Variants in PDLIM7 observed in about 807,000 individuals in gnomAD.
The protein encoded by PDLIM7 is PDZ and LIM domain protein 7.
A neutral mutation model predicts 53.9 loss-of-function variants in PDLIM7; 37 were observed. That is an observed-to-expected ratio of 0.69 (90% CI 0.53 to 0.90). The LOEUF is 0.90. Ranked by LOEUF, PDLIM7 falls within the 40% of genes least tolerant of loss-of-function variation. The probability of loss-of-function intolerance (pLI) is 0.00; values close to 1 mark genes in which losing one functional copy is unlikely to be tolerated. For missense variants in PDLIM7, 617 were observed against 638.5 expected, an observed-to-expected ratio of 0.97 and a Z score of 0.36; for synonymous variants, 300 against 261.3, an observed-to-expected ratio of 1.15 and a Z score of -1.43.
At chr5:177,490,727 AAG>A in intron 7 of PDLIM7, 141 bp downstream of exon 7, 1 of 655,854 alleles carries the variant, frequency 1.5e-6, no homozygotes, top group Non-Finnish European at 2.7e-6. Flanking sequence ...GGAAGGAAGG[AAG>A]GAAGGAAGGA....
rs148818062 is a variant in PDLIM7 at position 177,491,137 on chromosome 5, G to A, written c.408C>T (p.Leu136=). The A allele has an allele frequency of 2.1e-5, 33 of 1,608,306 alleles. No homozygotes were observed. In the African/African-American group the frequency reaches 3.1e-4, roughly 15 times the overall value. ...DSAPQQNGQP[L]RPLVPDASKQ... is the part of the protein sequence containing the mutation. ...TGCTGGCATCTGGGACCAGCGGTCG[G>A]AGCGGCTGTCTGTGGGGAGGGTGTG... Residue 136 remains leucine, a synonymous_variant, in exon 6 of 13, where the codon CTC becomes CTT. Coordinates refer to ENST00000355841, the MANE Select transcript of PDLIM7 (RefSeq NM_005451.5).
chr5:177,492,541 C>T lies in PDLIM7; in HGVS notation c.233G>A (p.Ser78Asn), dbSNP rs1758854020. The change falls in exon 3 of 13, where the codon AGC (serine) becomes AAC (asparagine). Residue 78 changes from serine to asparagine, a missense_variant. Ser to Asn is a conservative substitution (Grantham distance 46). Coordinates refer to ENST00000355841, the MANE Select transcript of PDLIM7 (RefSeq NM_005451.5). ...NKIRACGERL[S>N]LGLSRAQPVQ... The stretch of plus-strand genomic sequence containing the variant: ...ACCCGCATACCTGCTGAGGCCCAGG[C>T]TGAGGCGCTCCCCGCAGGCCCGGAT... 2 of 1,613,648 alleles carry T rather than the reference C, an allele frequency of 1.2e-6. No homozygotes were observed. Among genetic ancestry groups the T allele is most frequent in the Admixed American group, 1.7e-5 (1 of 60,010 alleles).
chr5:177,487,819 G>A (rs1442875659), intron 10 of PDLIM7: 3 of 363,322 alleles, frequency 8.3e-6, no homozygotes, highest in Non-Finnish European at 1.5e-5. Flanking sequence ...GAGTCAGGAG[G>A]GCCCAGGGCT....
At chr5:177,496,125 T>A (rs1471756228) in intron 2 of PDLIM7, among the ~76,000 whole-genome samples, 1 of 152,164 alleles carries the variant, frequency 6.6e-6, no homozygotes, top group African/African-American at 2.4e-5. Context: ...CCTGAAATGT[T>A]AGGCTCCCAT....
chr5:177,492,972 C>G lies in PDLIM7; in HGVS notation c.97-295G>C, dbSNP rs1390985211. 1.6e-5 allele frequency: 7 copies of G among 424,956 alleles called. No individual in the cohort carries two copies. The East Asian group carries it at 2.8e-4, about 17-fold the overall frequency. The allele number at this position is 424,956 out of a possible 1,614,324, so 26.3% of individuals were successfully genotyped here. A position where few individuals can be genotyped will look rare whatever the true frequency, so the allele number is the denominator to read the frequency against. On this transcript the variant is annotated intron_variant, in intron 2 of 12. Transcript: ENST00000355841. ...ACGATGCTTATCTATTCACCGCCACCACCCTCCCCCACAGTCCAGAAATTG... is the reference window on the plus strand; with the variant it reads ...ACGATGCTTATCTATTCACCGCCACGACCCTCCCCCACAGTCCAGAAATTG...
chr5:177,489,001 C>G (rs1267152848), intron 9 of PDLIM7, among the ~76,000 whole-genome samples: 1 of 152,312 alleles, frequency 6.6e-6, no homozygotes, highest in East Asian at 1.9e-4. Context: ...CTGCTTGGCC[C>G]CACGGGGCAG....
In PDLIM7 at chr5:177,488,254, G is replaced by A. The variant is rs187173027; in HGVS notation, c.870-6C>T. On this transcript the variant is annotated splice_region_variant and splice_polypyrimidine_tract_variant and intron_variant, in intron 9 of 12. Coordinates refer to ENST00000355841, the MANE Select transcript of PDLIM7 (RefSeq NM_005451.5). ...GCGCCACCAGGTAGCGGCCCCTGCA[G>A]GGAGGCGAGAGCGGTCAGAGGGAGC... 1.7e-4 allele frequency: 264 copies of A among 1,594,412 alleles called. 1 individual carries two copies. The African/African-American group carries it at 2.4e-3, about 15-fold the overall frequency.
At chr5:177,490,598 G>A (rs200179014) in intron 7 of PDLIM7, 39 of 1,549,554 alleles carry the variant, frequency 2.5e-5, no homozygotes, top group Middle Eastern at 4.3e-4. Flanking sequence ...TTTTCCCTGA[G>A]GGGCAGAGAG....
intron 5 of PDLIM7, 44 bp from the exon 6 acceptor site, chr5:177,491,190 G>T: frequency 6.4e-7 from 1 of 1,554,910 alleles, no homozygotes; most frequent in Non-Finnish European, 8.7e-7. Context: ...GGGGGTGGGC[G>T]GTGGGGGCAG....
At position 177,483,697 on chromosome 5, in the gene PDLIM7, A is replaced by G; in HGVS notation, c.1321T>C (p.Tyr441His). ...CQINLEGKTF[Y>H]SKKDRPLCKS... ...CAGAGAGGCCTGTCCTTCTTGGAGT[A>G]GAAGGTCTTTCCTTCCAGGTTGATC... The change falls in exon 13 of 13, where the codon TAC becomes CAC. Residue 441 changes from tyrosine (Y) to histidine (H), a missense_variant. Tyr to His is a moderately conservative substitution (Grantham distance 83, BLOSUM62 2). Transcript: ENST00000355841. 1 of 1,613,238 alleles carries G rather than the reference A, an allele frequency of 6.2e-7. No individual in the cohort carries two copies. The highest frequency in any genetic ancestry group is 8.5e-7 in the Non-Finnish European group (1 of 1,179,262).
rs746973671 is a variant in PDLIM7 at position 177,490,561 on chromosome 5, C to A, written c.572+309G>T. On this transcript the variant is annotated intron_variant, in intron 7 of 12. Transcript: ENST00000355841. ...GTGCCAGTCCCGGAGGCGGGTGTAG[C>A]GTGGGCTCTGCAGCTCCAGGACATA... 3 of 1,561,216 alleles carry A rather than the reference C, an allele frequency of 1.9e-6. No homozygotes were observed. In the Admixed American group the frequency reaches 5.7e-5, roughly 30 times the overall value.
chr5:177,490,259 G>A (rs1320463994), intron 7 of PDLIM7: 89 of 1,446,092 alleles, frequency 6.2e-5, no homozygotes, highest in Middle Eastern at 5.0e-4. Flanking sequence ...GGCTGAGAAT[G>A]TTTATTCCAT....
Position 177,489,647 on chromosome 5 carries a change from T to C in PDLIM7, c.635-20A>G. On this transcript the variant is annotated intron_variant, in intron 8 of 12. Coordinates refer to ENST00000355841, the MANE Select transcript of PDLIM7 (RefSeq NM_005451.5). Reference sequence around the variant, plus strand: ...TAGGGCCTGCCGGGGAAAGTGACTCTAAAGGGGTGCCCAGGGACCCCAAAG... The same window carrying C: ...TAGGGCCTGCCGGGGAAAGTGACTCCAAAGGGGTGCCCAGGGACCCCAAAG... 1 of 1,555,684 alleles carries C rather than the reference T, an allele frequency of 6.4e-7. No individual in the cohort carries two copies.
Position 177,492,581 on chromosome 5 carries a change from C to T in PDLIM7, c.193G>A (p.Glu65Lys), listed in dbSNP as rs752363421. The T allele has an allele frequency of 3.1e-6, 5 of 1,613,796 alleles. No homozygotes were observed. The highest frequency in any genetic ancestry group is 3.3e-5 in the Admixed American group (2 of 60,026). The change falls in exon 3 of 13, where the codon GAA (glutamate) becomes AAA (lysine). Residue 65 changes from glutamate to lysine, a missense_variant. By Grantham distance (56) the Glu-to-Lys change is moderately conservative. Coordinates refer to ENST00000355841, the MANE Select transcript of PDLIM7 (RefSeq NM_005451.5). ...CAGGCCCGGATCTTGTTCTGAGCTT[C>T]GATGTGTGTGAGGCTACCCGCATTC... The part of the protein sequence containing the change: ...GENAGSLTHI[E>K]AQNKIRACGE...
chr5:177,489,737 AC>A, intron 8 of PDLIM7, 33 bp downstream of exon 8: 1 of 1,499,474 alleles, frequency 6.7e-7, no homozygotes. Context: ...GAGGCTGCCC[AC>A]CCTTGCCCAG....
At chr5:177,489,295 T>C (rs1758617204) in intron 9 of PDLIM7, 98 bp downstream of exon 9, 2 of 922,642 alleles carry the variant, frequency 2.2e-6, no homozygotes, top group South Asian at 3.4e-5. Context: ...TGAATCCTTA[T>C]TCCCCCCAGT....
At position 177,484,068 on chromosome 5, in the gene PDLIM7, A is replaced by T; in HGVS notation, c.1171+2T>A. ...TCCTCACCCTCACTGGCCAGTGGGT[A>T]CCTCGCTCGCAATAGGGCACGCCCT... is the stretch of plus-strand genomic sequence containing the variant. On this transcript the variant is annotated splice_donor_variant, in intron 11 of 12. Transcript: ENST00000355841. LOFTEE classifies it high-confidence loss of function. The T allele has an allele frequency of 6.2e-7, 1 of 1,613,862 alleles. No individual in the cohort carries two copies. Among genetic ancestry groups the T allele is most frequent in the Non-Finnish European group, 8.5e-7 (1 of 1,179,906 alleles).
At chr5:177,495,558 G>GC (rs1447005216) in intron 2 of PDLIM7, among the ~76,000 whole-genome samples, 2 of 152,254 alleles carry the variant, frequency 1.3e-5, no homozygotes, top group African/African-American at 4.8e-5. Flanking sequence ...GGACCATATA[G>GC]CTGGAGCTGC....
intron 10 of PDLIM7, 100 bp from the exon 11 acceptor site, chr5:177,484,290 C>T (rs1758327910): frequency 2.8e-6 from 4 of 1,447,572 alleles, no homozygotes; most frequent in East Asian, 2.3e-5. Flanking sequence ...TGTTCCTTCT[C>T]GCGGTAAACA....
Sources: gnomAD v4.1 joint callset for allele counts (sites outside exome capture counted in the v4.1 genomes callset) on GRCh38, gnomAD v4.1.1 for gene constraint, MANE v1.5 for transcripts, NCBI Gene and HGNC (gene_info 2026-07-23, HGNC 2026-07-21) for gene names.